The following SPON1 variants were observed in gnomAD, a reference collection of about 807,000 sequenced individuals.
The protein encoded by SPON1 is spondin-1.
A neutral mutation model predicts 111.7 loss-of-function variants in SPON1; 52 were observed. The ratio of observed to expected loss-of-function variants is 0.47; its 90% confidence interval spans 0.37 to 0.59. SPON1 has a LOEUF of 0.59. SPON1 is among the 20% of genes least tolerant of loss of function. SPON1 has a pLI of 0.00. For synonymous variants in SPON1, 410 were observed against 395.8 expected, an observed-to-expected ratio of 1.04 and a Z score of -0.43; for missense variants, 957 against 1,068.5, an observed-to-expected ratio of 0.90 and a Z score of 1.46.
At chr11:13,997,898 G>A (rs554639089) in intron 2 of SPON1, among the ~76,000 whole-genome samples, 1 of 152,064 alleles carries the variant, frequency 6.6e-6, no homozygotes, top group African/African-American at 2.4e-5. Context: ...TTGGCAAAAG[G>A]CTCCGCACCA....
chr11:14,069,662 A>G (rs1285430645), intron 3 of SPON1, among the ~76,000 whole-genome samples: 1 of 152,152 alleles, frequency 6.6e-6, no homozygotes, highest in African/African-American at 2.4e-5. Context: ...AGCTCCTAAC[A>G]TAGTGCCTGG....
At chr11:14,188,215 G>T (rs536546574) in intron 6 of SPON1, among the ~76,000 whole-genome samples, 4 of 152,264 alleles carry the variant, frequency 2.6e-5, no homozygotes, top group African/African-American at 7.2e-5. Context: ...GCCCGTAAAA[G>T]ACTTTCAACA....
At chr11:14,052,386 G>T (rs1186254015) in intron 3 of SPON1, among the ~76,000 whole-genome samples, 1 of 152,214 alleles carries the variant, frequency 6.6e-6, no homozygotes. Flanking sequence ...AGGGTTAGGA[G>T]GATCTGATGT....
At chr11:14,104,884 AC>A (rs2133845439) in intron 5 of SPON1, among the ~76,000 whole-genome samples, 1 of 152,296 alleles carries the variant, frequency 6.6e-6, no homozygotes, top group South Asian at 2.1e-4. Flanking sequence ...CTGTATAAAG[AC>A]AGAAATTATA....
intron 4 of SPON1, 58 bp from the exon 5 acceptor site, chr11:14,079,841 C>G: frequency 6.3e-7 from 1 of 1,599,398 alleles, no homozygotes. Flanking sequence ...ATGATAGCAC[C>G]ACCTTATATA....
intron 8 of SPON1, among the ~76,000 whole-genome samples, chr11:14,254,998 G>A (rs147979934): frequency 3.9e-4 from 60 of 152,302 alleles, no homozygotes; most frequent in Non-Finnish European, 7.6e-4. Flanking sequence ...CTGCAAGAGC[G>A]AAGGTTTCTG....
intron 6 of SPON1, among the ~76,000 whole-genome samples, chr11:14,154,637 C>G (rs1183907617): frequency 2.0e-5 from 3 of 152,206 alleles, no homozygotes; most frequent in African/African-American, 7.2e-5. Context: ...TTCCCATTGT[C>G]TTGGCTACTA....
chr11:14,230,779 C>T (rs1240288925), intron 6 of SPON1, among the ~76,000 whole-genome samples: 1 of 112,590 alleles, frequency 8.9e-6, no homozygotes, highest in Non-Finnish European at 2.0e-5. Context: ...TTCCTTCCTT[C>T]CTTCCTTCAT....
intron 4 of SPON1, 135 bp from the exon 5 acceptor site, chr11:14,079,764 C>A: frequency 1.1e-6 from 1 of 876,050 alleles, no homozygotes; most frequent in Non-Finnish European, 1.8e-6. Context: ...ACTGATCTGG[C>A]TCTAAGTCTT....
At chr11:14,258,930 G>A (rs1270803461) in intron 11 of SPON1, among the ~76,000 whole-genome samples, 2 of 152,226 alleles carry the variant, frequency 1.3e-5, no homozygotes, top group South Asian at 4.1e-4. Flanking sequence ...GGGAAGGATT[G>A]TTCCTCATAC....
chr11:14,003,779 A>G (rs1591347363), intron 2 of SPON1, among the ~76,000 whole-genome samples: 1 of 152,310 alleles, frequency 6.6e-6, no homozygotes, highest in East Asian at 1.9e-4. Context: ...ATCATTGCAC[A>G]TAGTTACTTT....
intron 6 of SPON1, among the ~76,000 whole-genome samples, chr11:14,232,373 G>A (rs1191295630): frequency 2.6e-5 from 4 of 152,154 alleles, no homozygotes; most frequent in Non-Finnish European, 5.9e-5. Flanking sequence ...AATAGGCCTG[G>A]CACAGACTAG....
At chr11:14,263,350 T>C (rs1216443287) in intron 15 of SPON1, among the ~76,000 whole-genome samples, 1 of 152,126 alleles carries the variant, frequency 6.6e-6, no homozygotes, top group Non-Finnish European at 1.5e-5. Context: ...CACCATTCAC[T>C]CCTTGCAAAG....
intron 6 of SPON1, among the ~76,000 whole-genome samples, chr11:14,161,725 T>TA (rs1240403733): frequency 1.3e-5 from 2 of 152,076 alleles, no homozygotes; most frequent in Admixed American, 6.6e-5. Context: ...ATATTGAAAG[T>TA]AAAAAATAGA....
At chr11:14,038,401 A>G (rs781811760) in intron 2 of SPON1, among the ~76,000 whole-genome samples, 7 of 151,830 alleles carry the variant, frequency 4.6e-5, no homozygotes, top group Non-Finnish European at 8.8e-5. Flanking sequence ...CGTGGGAGGC[A>G]GAGGTTATAG....
chr11:14,083,937 T>C (rs1291099763), intron 5 of SPON1, among the ~76,000 whole-genome samples: 1 of 152,184 alleles, frequency 6.6e-6, no homozygotes, highest in African/African-American at 2.4e-5. Context: ...TTTATGAACA[T>C]AAAAAGCGGC....
intron 5 of SPON1, among the ~76,000 whole-genome samples, chr11:14,083,974 G>A (rs553315401): frequency 6.6e-6 from 1 of 152,122 alleles, no homozygotes; most frequent in South Asian, 2.1e-4. Flanking sequence ...TCAAAGAGTC[G>A]CATAAGTGCT....
rs374922005 is a variant in SPON1 at position 14,249,935 on chromosome 11, G to A, written c.891-4593G>A. Among the ~76,000 whole-genome samples, 168 of 152,262 alleles carry A rather than the reference G, an allele frequency of 1.1e-3. 3 individuals are homozygous for A. The South Asian group carries it at 0.034, about 31-fold the overall frequency. On this transcript the variant is annotated intron_variant, in intron 7 of 15. Coordinates refer to ENST00000576479, the MANE Select transcript of SPON1 (RefSeq NM_006108.4). ...TAGCTATTAAATAAACAGCTGATTC[G>A]AATCCAGCTCTGACTGTCACCAATG...
rs1477936778 is a variant in SPON1, at chr11:14,259,147, A to G, written c.1493-133A>G. ...GAACTTTGCCAGTTTAAGGATTTAGACCTCTTAGGTGTGCAGACAACCTCA... is the reference window on the plus strand; with the variant it reads ...GAACTTTGCCAGTTTAAGGATTTAGGCCTCTTAGGTGTGCAGACAACCTCA... On this transcript the variant is annotated intron_variant, in intron 11 of 15. Transcript: ENST00000576479. The surrounding 1 kb of genome is among the most constrained non-coding windows in gnomAD (Gnocchi z 5.0). 7.6e-6 allele frequency: 7 copies of G among 915,548 alleles called. No individual in the cohort carries two copies. In the African/African-American group the frequency reaches 1.0e-4, roughly 13 times the overall value. The allele number at this position is 915,548 out of a possible 1,614,324, so 56.7% of individuals were successfully genotyped here.
Sources: gnomAD v4.1 joint callset for allele counts (sites outside exome capture counted in the v4.1 genomes callset) on GRCh38, gnomAD v4.1.1 for gene constraint, Gnocchi (gnomAD v3.1) non-coding constraint, MANE v1.5 for transcripts, NCBI Gene and HGNC (gene_info 2026-07-23, HGNC 2026-07-21) for gene names.